The following ABCA10 variants were observed in gnomAD, a reference collection of about 807,000 sequenced individuals.
ABCA10 encodes the protein ATP binding cassette subfamily A member 10.
In ABCA10, 169 loss-of-function variants were observed where a neutral mutation model predicts 187.5. That is an observed-to-expected ratio of 0.90 (90% CI 0.80 to 1.02). The LOEUF (loss-of-function observed/expected upper bound fraction) is 1.02, where lower values mean the gene tolerates loss of function less well. ABCA10 is among the 50% of genes least tolerant of loss of function. The probability of loss-of-function intolerance (pLI) is 0.00; values close to 1 mark genes in which losing one functional copy is unlikely to be tolerated. For missense variants in ABCA10, 1,727 were observed against 1,812.4 expected (o/e 0.95, Z 0.86); for synonymous variants, 574 against 601.8 (o/e 0.95, Z 0.68).
At chr17:69,202,664 C>T (rs1057004838) in intron 9 of ABCA10, among the ~76,000 whole-genome samples, 1 of 151,892 alleles carries the variant, frequency 6.6e-6, no homozygotes, top group Non-Finnish European at 1.5e-5. Context: ...AATTCTTTAA[C>T]GTTTTATGAT....
At chr17:69,196,482 TC>T (rs1271982808) in intron 11 of ABCA10, 1 of 176,464 alleles carries the variant, frequency 5.7e-6, no homozygotes, top group Non-Finnish European at 1.2e-5. Flanking sequence ...GCTCCTCACT[TC>T]CTAGACGGGA....
chr17:69,208,852 C>T (rs547470352), intron 9 of ABCA10, among the ~76,000 whole-genome samples: 26 of 152,074 alleles, frequency 1.7e-4, no homozygotes, highest in South Asian at 1.5e-3. Flanking sequence ...GCCTGGGCAA[C>T]GTAGCAAGAC....
At chr17:69,150,128 T>C (rs753844915) in intron 36 of ABCA10, 65 bp from the exon 37 acceptor site, 62 of 1,186,820 alleles carry the variant, frequency 5.2e-5, no homozygotes, top group Non-Finnish European at 6.8e-5. Flanking sequence ...GAGGAATTAA[T>C]AGGCAAAGTA....
chr17:69,177,222 G>C (rs985788250), intron 22 of ABCA10, among the ~76,000 whole-genome samples: 1 of 152,098 alleles, frequency 6.6e-6, no homozygotes, highest in South Asian at 2.1e-4. Flanking sequence ...ATTTCTATCA[G>C]TAGTTTTGTG....
intron 21 of ABCA10, 95 bp from the exon 22 acceptor site, chr17:69,182,385 A>G: frequency 9.1e-7 from 1 of 1,098,442 alleles, no homozygotes; most frequent in Non-Finnish European, 1.2e-6. Flanking sequence ...TTAGAATGAG[A>G]AGGAGACTAT....
upstream of ABCA10, among the ~76,000 whole-genome samples, chr17:69,232,198 T>G (rs1200168168): frequency 6.6e-6 from 1 of 152,094 alleles, no homozygotes; most frequent in Non-Finnish European, 1.5e-5. Flanking sequence ...ATCAGCCACT[T>G]TATGTCTTTT....
intron 25 of ABCA10, among the ~76,000 whole-genome samples, chr17:69,167,764 C>G (rs772046332): frequency 1.3e-5 from 2 of 152,104 alleles, no homozygotes; most frequent in Non-Finnish European, 2.9e-5. Context: ...TATTTTATGA[C>G]ATGGAATCTT....
At position 69,148,920 on chromosome 17, in the gene ABCA10, G is replaced by C; in HGVS notation, c.4539C>G (p.Phe1513Leu). ...GCTCCTGCTCTTTACAGAGTTCTAA[G>C]AATACCTAAGTAAGAGAAAATAAAA... ...SLSQATLEQV[F>L]LELCKEQELG... Residue 1513 changes from phenylalanine to leucine, a missense_variant, in exon 39 of 39, where the codon TTC (phenylalanine) becomes TTG (leucine). Physicochemically the swap from Phe to Leu is conservative, Grantham distance 22. Transcript: ENST00000690296. 1 of 1,613,448 alleles carries C rather than the reference G, an allele frequency of 6.2e-7. No individual in the cohort carries two copies. The highest frequency in any genetic ancestry group is 2.2e-5 in the East Asian group (1 of 44,832).
chr17:69,232,359 GT>G (rs2074837644), upstream of ABCA10, among the ~76,000 whole-genome samples: 1 of 151,730 alleles, frequency 6.6e-6, no homozygotes, highest in Non-Finnish European at 1.5e-5. Flanking sequence ...CTCTAGTAGT[GT>G]TTTGATTTCT....
In ABCA10 at chr17:69,152,432, T is replaced by C; in HGVS notation, c.4186A>G (p.Thr1396Ala). 1 of 1,614,000 alleles carries C rather than the reference T, an allele frequency of 6.2e-7. No homozygotes were observed. The highest frequency in any genetic ancestry group is 8.5e-7 in the Non-Finnish European group (1 of 1,179,926). The change falls in exon 35 of 39, where the codon ACC (threonine) becomes GCC (alanine). Residue 1396 changes from threonine (T) to alanine (A), a missense_variant. Physicochemically the swap from Thr to Ala is moderately conservative, Grantham distance 58. Transcript: ENST00000690296. ...VKNKERGTLL[T>A]THYMSEAEAV... ...TCAGCCTCTGACATGTAATGGGTGG[T>C]CAAGAGGGTGCCCCTCTCCTTGTTT... is the stretch of plus-strand genomic sequence containing the variant.
At chr17:69,160,098 A>T (rs1198645300) in intron 27 of ABCA10, among the ~76,000 whole-genome samples, 1 of 152,200 alleles carries the variant, frequency 6.6e-6, no homozygotes, top group African/African-American at 2.4e-5. Context: ...GACACTAAAA[A>T]CACAAACAAC....
intron 9 of ABCA10, among the ~76,000 whole-genome samples, chr17:69,207,520 G>T (rs1433689599): frequency 6.6e-6 from 1 of 151,810 alleles, no homozygotes; most frequent in African/African-American, 2.4e-5. Flanking sequence ...AATGGATAAA[G>T]AAATTGTGAG....
At chr17:69,235,065 A>G (rs913549410) in intron 1 of ABCA10, 1 of 152,256 alleles carries the variant, frequency 6.6e-6, no homozygotes, top group Non-Finnish European at 1.5e-5. Context: ...AATGAGAAGT[A>G]AAAAATTAGA....
chr17:69,205,105 G>A (rs1477851145), intron 9 of ABCA10, among the ~76,000 whole-genome samples: 2 of 152,110 alleles, frequency 1.3e-5, no homozygotes, highest in East Asian at 3.8e-4. Flanking sequence ...TCCAGCCTGG[G>A]TGACACAGTG....
At chr17:69,181,333 C>T (rs2074379754) in intron 22 of ABCA10, among the ~76,000 whole-genome samples, 1 of 152,050 alleles carries the variant, frequency 6.6e-6, no homozygotes, top group Admixed American at 6.6e-5. Context: ...CATTGAGTAC[C>T]TAGTAAGTTG....
At chr17:69,232,223 T>C (rs1039129960), upstream of ABCA10, among the ~76,000 whole-genome samples, 16 of 152,134 alleles carry the variant, frequency 1.1e-4, no homozygotes, top group Non-Finnish European at 2.1e-4. Context: ...GAAGAATGTA[T>C]TTCATTTATA....
intron 9 of ABCA10, among the ~76,000 whole-genome samples, chr17:69,214,305 G>C (rs111279895): frequency 6.6e-6 from 1 of 152,072 alleles, no homozygotes; most frequent in Non-Finnish European, 1.5e-5. Flanking sequence ...CACGAGGTCA[G>C]GAGATCGAGA....
Position 69,152,493 on chromosome 17 carries a change from G to A in ABCA10, c.4137-12C>T, listed in dbSNP as rs2074137377. ...CCTGAAGTATCTGCCTAAAGATAAA[G>A]TAAGGGATTGTTTGCATTTAGAAAG... On this transcript the variant is annotated splice_polypyrimidine_tract_variant and intron_variant, in intron 34 of 38. Coordinates refer to ENST00000690296, the MANE Select transcript of ABCA10 (RefSeq NM_001377321.1). 2 of 1,596,136 alleles carry A rather than the reference G, an allele frequency of 1.3e-6. No individual in the cohort carries two copies. The highest frequency in any genetic ancestry group is 1.8e-5 in the Admixed American group (1 of 55,414).
chr17:69,206,866 T>A (rs1255781826), intron 9 of ABCA10, among the ~76,000 whole-genome samples: 1 of 152,084 alleles, frequency 6.6e-6, no homozygotes, highest in African/African-American at 2.4e-5. Flanking sequence ...TGGGCAATGA[T>A]TTTTTTGGAT....
Sources: gnomAD v4.1 joint callset for allele counts (sites outside exome capture counted in the v4.1 genomes callset) on GRCh38, gnomAD v4.1.1 for gene constraint, MANE v1.5 for transcripts, NCBI Gene and HGNC (gene_info 2026-07-23, HGNC 2026-07-21) for gene names.